ZFX: variants seen among roughly 807,000 people sequenced by gnomAD.
The protein encoded by ZFX is zinc finger protein X-linked, also known as zinc finger X-chromosomal protein.
For synonymous variants in ZFX, 196 were observed against 226.8 expected (o/e 0.86, Z 1.22); for missense variants, 362 against 628.3 (o/e 0.58, Z 4.53).
At position 24,163,364 on chromosome X, in the gene ZFX, G is replaced by GTTTTTTTTTTT. The variant is rs66467960; in HGVS notation, c.-28-9330_-28-9320dup. Among the ~76,000 whole-genome samples the GTTTTTTTTTTT allele has an allele frequency of 3.1e-4, 6 of 19,061 alleles. 2 individuals carry two copies. Among genetic ancestry groups the GTTTTTTTTTTT allele is most frequent in the Admixed American group, 1.3e-3 (1 of 778 alleles). 16.6% of individuals were successfully genotyped at this position (19,061 alleles called of 115,157 possible). On this transcript the variant is annotated intron_variant, in intron 3 of 9. Coordinates refer to ENST00000304543, the MANE Select transcript of ZFX (RefSeq NM_003410.4). ...AATTTGGTTAAATTATTTTTGTTAG[G>GTTTTTTTTTTT]TTTTTTTTTTTTTTTTTTTTTTTTT...
At chrX:24,173,505 A>G in intron 4 of ZFX, 1 of 1,040,550 alleles carries the variant, frequency 9.6e-7, no homozygotes, top group Non-Finnish European at 1.2e-6. Flanking sequence ...AAAATAGGAA[A>G]AAAAACAGTA....
At position 24,156,420 on chromosome X, in the gene ZFX, C is replaced by A. The variant is rs947259444; in HGVS notation, c.-29+3590C>A. ...ACCCCAAGGTTGTAATGATACTGTG[C>A]TGTTTCATATTTAGGTCGTTAATTC... On this transcript the variant is annotated intron_variant, in intron 3 of 9. Coordinates refer to ENST00000304543, the MANE Select transcript of ZFX (RefSeq NM_003410.4). Among the ~76,000 whole-genome samples, 3 of 110,602 alleles carry A rather than the reference C, an allele frequency of 2.7e-5. No homozygotes were observed. In the Admixed American group the frequency reaches 2.9e-4, roughly 11 times the overall value.
intron 5 of ZFX, among the ~76,000 whole-genome samples, chrX:24,201,991 A>T (rs1486025556): frequency 9.0e-6 from 1 of 111,169 alleles, no homozygotes; most frequent in Non-Finnish European, 1.9e-5. Flanking sequence ...TTGTTTTCTC[A>T]CTGATTATCC....
chrX:24,169,740 G>A (rs1465515729), intron 3 of ZFX, among the ~76,000 whole-genome samples: 1 of 110,831 alleles, frequency 9.0e-6, no homozygotes, highest in Non-Finnish European at 1.9e-5. Context: ...ACAGTCTGTT[G>A]GACATGTTAG....
At chrX:24,171,904 AGGAG>A (rs1293911071) in intron 3 of ZFX, among the ~76,000 whole-genome samples, 5,226 of 97,214 alleles carry the variant, frequency 0.054, 244 homozygotes, top group African/African-American at 0.16. Flanking sequence ...CAGAGAGAGA[AGGAG>A]AGAGAGAGAG....
chrX:24,207,966 C>T (rs1189337397), intron 7 of ZFX, 111 bp downstream of exon 7: 2 of 978,819 alleles, frequency 2.0e-6, no homozygotes, highest in Non-Finnish European at 2.8e-6. Flanking sequence ...TACTACATTC[C>T]AAGGGAAACA....
intron 5 of ZFX, among the ~76,000 whole-genome samples, chrX:24,205,721 G>A (rs1937547469): frequency 1.8e-5 from 2 of 111,211 alleles, no homozygotes; most frequent in Admixed American, 1.9e-4. Flanking sequence ...GGGTGTGGTG[G>A]CGGGCATCTG....
chrX:24,208,849 CTTTAAAA>C (rs1937820782), intron 8 of ZFX, 44 bp from the exon 9 acceptor site: 11 of 1,112,987 alleles, frequency 9.9e-6, no homozygotes, highest in Non-Finnish European at 1.3e-5. Flanking sequence ...ATTCCTAATT[CTTTAAAA>C]TTTATAATAC....
At chrX:24,192,675 G>A (rs191746283) in intron 5 of ZFX, among the ~76,000 whole-genome samples, 89 of 111,350 alleles carry the variant, frequency 8.0e-4, no homozygotes, top group African/African-American at 2.7e-3. Flanking sequence ...TGGAGGCTGA[G>A]GCGGGAGGAT....
chrX:24,172,930 T>TAA, intron 4 of ZFX, 130 bp downstream of exon 4: 1 of 614,671 alleles, frequency 1.6e-6, no homozygotes, highest in Non-Finnish European at 2.4e-6. Flanking sequence ...TCACAGGTGT[T>TAA]ACGGTGAGCA....
At chrX:24,203,640 C>T (rs944639017) in intron 5 of ZFX, among the ~76,000 whole-genome samples, 1 of 112,443 alleles carries the variant, frequency 8.9e-6, no homozygotes, top group African/African-American at 3.2e-5. Flanking sequence ...CCTTCATGAC[C>T]TGGCTTCAGC....
intron 9 of ZFX, among the ~76,000 whole-genome samples, chrX:24,209,467 G>T (rs1412850602): frequency 1.8e-5 from 2 of 112,285 alleles, no homozygotes; most frequent in African/African-American, 6.5e-5. Flanking sequence ...AATTTTATGG[G>T]TATATTTAAA....
rs768129229 is a variant in ZFX at position 24,216,074 on chromosome X, ATTTTG to A, written c.*4703_*4707del. On this transcript the variant is annotated 3_prime_UTR_variant, in exon 10 of 10. Coordinates refer to ENST00000304543, the MANE Select transcript of ZFX (RefSeq NM_003410.4). ...TCTTTGCTATTGTAAATAAATTACTATTTTGTTTTAAGTTACCCTAGTGGAGTGTT... is the reference window on the plus strand; with the variant it reads ...TCTTTGCTATTGTAAATAAATTACTATTTTAAGTTACCCTAGTGGAGTGTT... 1.5e-4 allele frequency: 17 copies of A among 111,741 alleles called. No homozygotes were observed. Among genetic ancestry groups the A allele is most frequent in the Non-Finnish European group, 2.3e-4 (12 of 53,170 alleles). 9.2% of individuals were successfully genotyped at this position (111,741 alleles called of 1,213,427 possible).
In ZFX at chrX:24,215,713, G is replaced by C. The variant is rs182378161; in HGVS notation, c.*4337G>C. 3 of 110,955 alleles carry C rather than the reference G, an allele frequency of 2.7e-5. No individual in the cohort carries two copies. Among genetic ancestry groups the C allele is most frequent in the Non-Finnish European group, 5.7e-5 (3 of 53,013 alleles). The allele number at this position is 110,955 out of a possible 1,213,427, so 9.1% of individuals were successfully genotyped here. The stretch of plus-strand genomic sequence containing the variant: ...AAGTGTGAGCCTGCCAAGTCAACAA[G>C]TATGCCTTTAGCGCACATGTAAATA... On this transcript the variant is annotated 3_prime_UTR_variant, in exon 10 of 10. Coordinates refer to ENST00000304543, the MANE Select transcript of ZFX (RefSeq NM_003410.4).
At chrX:24,153,009 C>CT (rs928593378) in intron 3 of ZFX, among the ~76,000 whole-genome samples, 179 bp downstream of exon 3, 9 of 112,052 alleles carry the variant, frequency 8.0e-5, no homozygotes, top group East Asian at 5.6e-4. Context: ...ATGCAGATTT[C>CT]TTTTTTTAAA....
intron 5 of ZFX, among the ~76,000 whole-genome samples, chrX:24,205,982 GTC>G (rs774440625): frequency 1.9e-5 from 2 of 104,815 alleles, no homozygotes; most frequent in Admixed American, 2.1e-4. Context: ...CTCCCCTTCT[GTC>G]TCTCTCTGTT....
intron 3 of ZFX, 57 bp from the exon 4 acceptor site, chrX:24,172,658 T>C: frequency 1.1e-6 from 1 of 909,170 alleles, no homozygotes; most frequent in East Asian, 3.3e-5. Flanking sequence ...CATGATGGCA[T>C]TTAATACCTG....
At chrX:24,188,212 A>T (rs772485993) in intron 5 of ZFX, among the ~76,000 whole-genome samples, 3 of 109,631 alleles carry the variant, frequency 2.7e-5, no homozygotes, top group Non-Finnish European at 5.7e-5. Flanking sequence ...GGTACGCTTG[A>T]GGGAGACAAA....
chrX:24,190,654 T>C (rs941868071), intron 5 of ZFX, among the ~76,000 whole-genome samples: 7 of 111,721 alleles, frequency 6.3e-5, no homozygotes, highest in East Asian at 2.8e-4. Context: ...TGAACAGATA[T>C]ATGATTACTT....
Sources: allele counts gnomAD v4.1 joint callset (sites outside exome capture counted in the v4.1 genomes callset), GRCh38; gene constraint gnomAD v4.1.1; transcripts MANE v1.5; gene names NCBI Gene and HGNC (gene_info 2026-07-23, HGNC 2026-07-21).